SUGCT: variants seen among roughly 807,000 people sequenced by gnomAD.
SUGCT encodes the protein succinyl-CoA:glutarate CoA-transferase.
In SUGCT, 41 loss-of-function variants were observed where a neutral mutation model predicts 55.0. The observed-to-expected ratio is 0.74, with a 90% CI of 0.58 to 0.97. The LOEUF is 0.97. SUGCT is among the 50% of genes least tolerant of loss of function. The pLI is 0.00. For synonymous variants in SUGCT, 187 were observed against 200.4 expected (o/e 0.93, Z 0.56); for missense variants, 568 against 547.8 (o/e 1.04, Z -0.37).
intron 1 of SUGCT, among the ~76,000 whole-genome samples, chr7:40,168,461 C>G (rs1784523375): frequency 6.6e-6 from 1 of 152,318 alleles, no homozygotes; most frequent in South Asian, 2.1e-4. Flanking sequence ...TGTAGTTTTA[C>G]AGCTTCACAG....
intron 12 of SUGCT, among the ~76,000 whole-genome samples, chr7:40,541,647 AC>A (rs1794687659): frequency 6.6e-6 from 1 of 152,234 alleles, no homozygotes; most frequent in Non-Finnish European, 1.5e-5. Flanking sequence ...AATGTATAAT[AC>A]AGTACATATT....
intron 1 of SUGCT, among the ~76,000 whole-genome samples, chr7:40,136,762 G>C (rs906233959): frequency 1.3e-5 from 2 of 152,164 alleles, no homozygotes; most frequent in African/African-American, 4.8e-5. Context: ...AAATGACCTA[G>C]GTGGGACGAT....
At chr7:40,170,399 A>G (rs1784615289) in intron 1 of SUGCT, among the ~76,000 whole-genome samples, 4 of 152,128 alleles carry the variant, frequency 2.6e-5, no homozygotes, top group Admixed American at 2.6e-4. Context: ...GGTCTATTTT[A>G]ATTTGCTTCA....
At chr7:40,782,686 T>C (rs927998786) in intron 13 of SUGCT, 3 of 144,300 alleles carry the variant, frequency 2.1e-5, no homozygotes, top group African/African-American at 8.8e-5. Context: ...CAGAGAAATA[T>C]CATCATTCCT....
intron 12 of SUGCT, among the ~76,000 whole-genome samples, chr7:40,693,977 A>C (rs767524441): frequency 6.6e-6 from 1 of 152,224 alleles, no homozygotes; most frequent in African/African-American, 2.4e-5. Context: ...CCCACAGATC[A>C]AACAAATTAA....
chr7:40,363,900 G>A (rs1783785652), intron 9 of SUGCT, among the ~76,000 whole-genome samples: 1 of 152,186 alleles, frequency 6.6e-6, no homozygotes, highest in Non-Finnish European at 1.5e-5. Context: ...TCTGTCTAAT[G>A]TTGACAATGG....
intron 12 of SUGCT, among the ~76,000 whole-genome samples, chr7:40,699,381 A>G (rs1785076859): frequency 6.6e-6 from 1 of 152,090 alleles, no homozygotes; most frequent in South Asian, 2.1e-4. Flanking sequence ...GGGACGTGAG[A>G]AGAAAGGGAG....
chr7:40,532,048 G>T (rs963172367), intron 12 of SUGCT, among the ~76,000 whole-genome samples: 2 of 152,162 alleles, frequency 1.3e-5, no homozygotes, highest in Non-Finnish European at 2.9e-5. Flanking sequence ...GTCCTTCTGG[G>T]TAACCATTTG....
chr7:40,494,169 G>A (rs1275062308), intron 11 of SUGCT, among the ~76,000 whole-genome samples: 1 of 152,168 alleles, frequency 6.6e-6, no homozygotes. Context: ...ATATTGACAT[G>A]CATTTTCTGT....
At chr7:40,250,160 G>A (rs981206600) in intron 7 of SUGCT, among the ~76,000 whole-genome samples, 1 of 152,150 alleles carries the variant, frequency 6.6e-6, no homozygotes, top group African/African-American at 2.4e-5. Context: ...CACTTTGGAA[G>A]GTTGAGGCAG....
At chr7:40,442,176 A>G (rs1013988129) in intron 9 of SUGCT, among the ~76,000 whole-genome samples, 3 of 152,174 alleles carry the variant, frequency 2.0e-5, no homozygotes, top group African/African-American at 7.2e-5. Context: ...ATTAAGCCAT[A>G]TCTTAGCAGA....
At chr7:40,356,243 C>G (rs540266724) in intron 9 of SUGCT, among the ~76,000 whole-genome samples, 1 of 152,354 alleles carries the variant, frequency 6.6e-6, no homozygotes, top group East Asian at 1.9e-4. Flanking sequence ...ATCGAAATGA[C>G]TTTACCGTCA....
intron 9 of SUGCT, among the ~76,000 whole-genome samples, chr7:40,323,025 T>C (rs1584679556): frequency 7.1e-6 from 1 of 140,954 alleles, no homozygotes; most frequent in Admixed American, 7.1e-5. Flanking sequence ...CATCACTCCT[T>C]ATACCCATTT....
chr7:40,216,922 C>T (rs1043703985), intron 6 of SUGCT, among the ~76,000 whole-genome samples: 2 of 151,352 alleles, frequency 1.3e-5, no homozygotes, highest in Admixed American at 6.6e-5. Flanking sequence ...GAATAAAAAT[C>T]ATTACAGGCA....
the SUGCT span, among the ~76,000 whole-genome samples, chr7:41,016,531 C>T: frequency 0.021 from 3,219 of 152,032 alleles, 49 homozygotes; most frequent in Non-Finnish European, 0.026. Context: ...ATTACAACAA[C>T]GTGGTGGAAA....
intron 13 of SUGCT, among the ~76,000 whole-genome samples, chr7:40,826,429 A>G (rs1019704047): frequency 5.9e-5 from 9 of 152,180 alleles, no homozygotes; most frequent in Non-Finnish European, 1.3e-4. Context: ...TATCCACAAC[A>G]CTAGAAAGAA....
chr7:40,241,578 C>CA (rs111742538), intron 7 of SUGCT, among the ~76,000 whole-genome samples: 2,348 of 74,926 alleles, frequency 0.031, 19 homozygotes, highest in African/African-American at 0.047. Flanking sequence ...GACTCTGTCT[C>CA]AAAAAAAAAA....
rs1184624224 is a variant in SUGCT at position 40,245,431 on chromosome 7, T to TATATACA, written c.576+7705_576+7706insATATACA. 6.4e-5 allele frequency among the ~76,000 whole-genome samples: 2 copies of TATATACA among 31,362 alleles called. 1 individual carries two copies. Among genetic ancestry groups the TATATACA allele is most frequent in the South Asian group, 3.5e-3 (2 of 578 alleles). 20.6% of individuals were successfully genotyped at this position (31,362 alleles called of 152,430 possible). A position where few individuals can be genotyped will look rare whatever the true frequency, so the allele number is the denominator to read the frequency against. The stretch of plus-strand genomic sequence containing the variant: ...TATATATATATATATATATTTTTTT[T>TATATACA]TTTTTTTTTTTTTTTTTTTTTTTTT... On this transcript the variant is annotated intron_variant, in intron 7 of 13. Transcript: ENST00000335693.
chr7:40,296,294 G>A (rs1263396620), intron 8 of SUGCT, among the ~76,000 whole-genome samples: 2 of 152,078 alleles, frequency 1.3e-5, no homozygotes, highest in African/African-American at 4.8e-5. Flanking sequence ...TTAAATATTC[G>A]ATTCCCTTGC....
Sources: allele counts gnomAD v4.1 joint callset (sites outside exome capture counted in the v4.1 genomes callset), GRCh38; gene constraint gnomAD v4.1.1; transcripts MANE v1.5; gene names NCBI Gene and HGNC (gene_info 2026-07-23, HGNC 2026-07-21).